The following CACFD1 variants were observed in gnomAD, a reference collection of about 807,000 sequenced individuals.
The protein encoded by CACFD1 is calcium channel flower homolog.
CACFD1 carries 26 observed loss-of-function variants against 21.3 expected under a neutral mutation model. The observed-to-expected ratio is 1.22, with a 90% CI of 0.89 to 1.69. The LOEUF (loss-of-function observed/expected upper bound fraction) is 1.69, where lower values mean the gene tolerates loss of function less well. Ranked by LOEUF, CACFD1 falls within the 40% of genes most tolerant of loss-of-function variation. The probability of loss-of-function intolerance (pLI) is 0.00; values close to 1 mark genes in which losing one functional copy is unlikely to be tolerated. For missense variants in CACFD1, 265 were observed against 236.2 expected, an observed-to-expected ratio of 1.12 and a Z score of -0.80; for synonymous variants, 121 against 106.6, an observed-to-expected ratio of 1.13 and a Z score of -0.83.
rs989859104 is a variant in CACFD1 at position 133,468,853 on chromosome 9, C to T, written c.*200C>T. 1.1e-6 allele frequency: 1 copy of T among 885,034 alleles called. No individual in the cohort carries two copies. Among genetic ancestry groups the T allele is most frequent in the Non-Finnish European group, 1.6e-6 (1 of 606,330 alleles). The allele number at this position is 885,034 out of a possible 1,614,324, so 54.8% of individuals were successfully genotyped here. On this transcript the variant is annotated 3_prime_UTR_variant, in exon 5 of 5. Transcript: ENST00000316948. Reference sequence around the variant, plus strand: ...TGGTGTGAGGGTCTGGGCTGCTGGACTTGAGGCAGAGCCTGCAGCAGCTGT... The same window carrying T: ...TGGTGTGAGGGTCTGGGCTGCTGGATTTGAGGCAGAGCCTGCAGCAGCTGT...
chr9:133,467,778 T>G lies in CACFD1; in HGVS notation c.321-143T>G, dbSNP rs1324363236. On this transcript the variant is annotated intron_variant, in intron 3 of 4. Coordinates refer to ENST00000316948, the MANE Select transcript of CACFD1 (RefSeq NM_017586.5). ...AGTTCAGGGCTGATGAAGGACTTTC[T>G]GAAGCTGTGTCTCAGTTGATTTTTG... is the stretch of plus-strand genomic sequence containing the variant. The G allele has an allele frequency of 4.8e-6, 3 of 625,902 alleles. No homozygotes were observed. The East Asian group carries it at 8.2e-5, about 17-fold the overall frequency. The allele number at this position is 625,902 out of a possible 1,614,324, so 38.8% of individuals were successfully genotyped here.
At chr9:133,461,310 C>T (rs980418053) in intron 1 of CACFD1, among the ~76,000 whole-genome samples, 4 of 152,178 alleles carry the variant, frequency 2.6e-5, no homozygotes, top group Admixed American at 6.5e-5. Context: ...GTGCTGCCCT[C>T]GCTAGGCATG....
intron 1 of CACFD1, 147 bp downstream of exon 1, chr9:133,460,334 C>A: frequency 1.4e-6 from 1 of 704,346 alleles, no homozygotes; most frequent in Non-Finnish European, 2.1e-6. Flanking sequence ...GGAGGAATGG[C>A]GGGGCCGCCG....
chr9:133,466,137 G>A (rs1218032653), intron 3 of CACFD1, among the ~76,000 whole-genome samples: 1 of 152,182 alleles, frequency 6.6e-6, no homozygotes, highest in Non-Finnish European at 1.5e-5. Flanking sequence ...GATGGTAAGA[G>A]CACAAGCCAC....
In CACFD1 at chr9:133,470,199, G is replaced by C. The variant is rs1588235013; in HGVS notation, c.*1546G>C. On this transcript the variant is annotated 3_prime_UTR_variant, in exon 5 of 5. Transcript: ENST00000316948. The stretch of plus-strand genomic sequence containing the variant: ...GCTGGGTTCAAAGGGCTGTGTGTGT[G>C]TGTGTGTGTGTGTGTGTGTGTGTGT... The C allele has an allele frequency of 2.1e-5, 1 of 47,242 alleles. No homozygotes were observed. Among genetic ancestry groups the C allele is most frequent in the Non-Finnish European group, 6.4e-5 (1 of 15,548 alleles). The allele number at this position is 47,242 out of a possible 1,614,324, so 2.9% of individuals were successfully genotyped here.
At chr9:133,460,306 C>T (rs1440742181) in intron 1 of CACFD1, 119 bp downstream of exon 1, 4 of 938,982 alleles carry the variant, frequency 4.3e-6, no homozygotes, top group Middle Eastern at 7.2e-4. Context: ...CGGGGGTCTG[C>T]CGGGCGCCTC....
chr9:133,466,570 G>A (rs1165880753), intron 3 of CACFD1, among the ~76,000 whole-genome samples: 2 of 138,816 alleles, frequency 1.4e-5, no homozygotes, highest in Admixed American at 7.3e-5. Context: ...AAATCGAGGT[G>A]TGATAAACAT....
chr9:133,468,109 G>A, intron 4 of CACFD1, 81 bp downstream of exon 4: 1 of 1,259,174 alleles, frequency 7.9e-7, no homozygotes. Flanking sequence ...GGATCTGAGA[G>A]TGGCCCCTTT....
At chr9:133,462,657 TC>T (rs782074008) in intron 1 of CACFD1, among the ~76,000 whole-genome samples, 67 of 152,198 alleles carry the variant, frequency 4.4e-4, no homozygotes, top group South Asian at 8.3e-4. Context: ...CTCCTGGAGT[TC>T]CTGGTGAAGC....
intron 4 of CACFD1, 89 bp from the exon 5 acceptor site, chr9:133,468,474 G>C: frequency 1.9e-6 from 3 of 1,539,292 alleles, no homozygotes; most frequent in Non-Finnish European, 2.6e-6. Flanking sequence ...GGTCACACCT[G>C]GGTCACAGGG....
At position 133,465,107 on chromosome 9, in the gene CACFD1, G is replaced by A. The variant is rs1208985818; in HGVS notation, c.195-215G>A. On this transcript the variant is annotated intron_variant, in intron 2 of 4. Coordinates refer to ENST00000316948, the MANE Select transcript of CACFD1 (RefSeq NM_017586.5). This position sits in a 1 kb window ranked among gnomAD's most constrained non-coding sequence, Gnocchi z 5.0. The stretch of plus-strand genomic sequence containing the variant: ...GTTCAGTTCAGCTGGGGAGATGGGT[G>A]TGCAGGAGCAGCTGGGGAGTGCTGG... 2.6e-5 allele frequency: 15 copies of A among 582,422 alleles called. No homozygotes were observed. The highest frequency in any genetic ancestry group is 4.0e-5 in the Non-Finnish European group (13 of 326,442). 36.1% of individuals were successfully genotyped at this position (582,422 alleles called of 1,614,324 possible).
chr9:133,460,112 C>A lies in CACFD1; in HGVS notation c.46C>A (p.Pro16Thr). ...GAPGASASSA[P>T]PAQEEGMTWW... ...GCCCGGGGCGTCCGCCAGCTCTGCG[C>A]CGCCCGCGCAGGAAGAGGGCATGAC... Residue 16 changes from proline to threonine, a missense_variant, in exon 1 of 5, where the codon CCG becomes ACG. Pro to Thr is a conservative substitution (Grantham distance 38). Transcript: ENST00000316948. 6.4e-7 allele frequency: 1 copy of A among 1,563,634 alleles called. No individual in the cohort carries two copies. Among genetic ancestry groups the A allele is most frequent in the South Asian group, 1.2e-5 (1 of 85,730 alleles).
intron 1 of CACFD1, chr9:133,461,919 G>C (rs587724044): frequency 6.7e-4 from 657 of 985,434 alleles, no homozygotes; most frequent in Admixed American, 1.5e-3. Context: ...TCCAGGGTGA[G>C]GGGATCAGAG....
intron 2 of CACFD1, 55 bp downstream of exon 2, chr9:133,463,610 G>T: frequency 6.3e-7 from 1 of 1,581,256 alleles, no homozygotes; most frequent in East Asian, 2.2e-5. Context: ...GGAATCTGCT[G>T]GGCACCTCCC....
chr9:133,468,631 A>G lies in CACFD1; in HGVS notation c.497A>G (p.Glu166Gly). The G allele has an allele frequency of 4.4e-6, 7 of 1,583,782 alleles. No homozygotes were observed. The highest frequency in any genetic ancestry group is 6.0e-6 in the Non-Finnish European group (7 of 1,167,904). Residue 166 changes from glutamate to glycine, a missense_variant, in exon 5 of 5, where the codon GAG (glutamate) becomes GGG (glycine). Glu to Gly is a moderately conservative substitution (Grantham distance 98). Transcript: ENST00000316948. ...CAGGCGGATGAGGAGAAGCTCGCGGAGACCCTGGAGGGGGAGCTGTGAAGG... is the reference window on the plus strand; with the variant it reads ...CAGGCGGATGAGGAGAAGCTCGCGGGGACCCTGGAGGGGGAGCTGTGAAGG... ...RQQADEEKLA[E>G]TLEGEL
At position 133,468,002 on chromosome 9, in the gene CACFD1, G is replaced by A. The variant is rs780267531; in HGVS notation, c.402G>A (p.Leu134=). The A allele has an allele frequency of 1.2e-6, 2 of 1,613,752 alleles. No individual in the cohort carries two copies. The highest frequency in any genetic ancestry group is 2.7e-5 in the African/African-American group (2 of 74,934). ...CCATCGCCTTTGCTACGGGGGTGCTGTACGGACTCTCTGCTCTGGGCAAAA... is the reference window on the plus strand; with the variant it reads ...CCATCGCCTTTGCTACGGGGGTGCTATACGGACTCTCTGCTCTGGGCAAAA... ...GNAIAFATGV[L]YGLSALGKKG... is the part of the protein sequence containing the mutation. The change falls in exon 4 of 5, where the codon CTG becomes CTA. Residue 134 remains leucine, a synonymous_variant. Transcript: ENST00000316948.
chr9:133,466,697 G>A (rs28436085), intron 3 of CACFD1, among the ~76,000 whole-genome samples: 38,980 of 152,014 alleles, frequency 0.26, 6,202 homozygotes, highest in South Asian at 0.36. Context: ...GCGTGGCTAC[G>A]TTGCTTTCCA....
At chr9:133,464,238 C>T (rs929144627) in intron 2 of CACFD1, among the ~76,000 whole-genome samples, 10 of 152,148 alleles carry the variant, frequency 6.6e-5, no homozygotes, top group Admixed American at 2.6e-4. Flanking sequence ...CAGAGCTAGA[C>T]GAGATTCAGG....
intron 1 of CACFD1, chr9:133,461,903 T>G (rs1253417967): frequency 1.0e-6 from 1 of 985,412 alleles, no homozygotes; most frequent in Non-Finnish European, 1.2e-6. Context: ...GGTAAGGTTT[T>G]CCTCCTCCAG....
Sources: gnomAD v4.1 joint callset for allele counts (sites outside exome capture counted in the v4.1 genomes callset) on GRCh38, gnomAD v4.1.1 for gene constraint, Gnocchi (gnomAD v3.1) non-coding constraint, MANE v1.5 for transcripts, NCBI Gene and HGNC (gene_info 2026-07-23, HGNC 2026-07-21) for gene names.